The following FHIT variants were observed in gnomAD, a reference collection of about 807,000 sequenced individuals.
The protein encoded by FHIT is fragile histidine triad diadenosine triphosphatase, also known as bis(5'-adenosyl)-triphosphatase.
A neutral mutation model predicts 17.9 loss-of-function variants in FHIT; 19 were observed. The observed-to-expected ratio is 1.06, with a 90% CI of 0.74 to 1.56. FHIT has a LOEUF of 1.56. Ranked by LOEUF, FHIT falls within the 40% of genes most tolerant of loss-of-function variation. The probability of loss-of-function intolerance (pLI) is 0.00; values close to 1 mark genes in which losing one functional copy is unlikely to be tolerated. For missense variants in FHIT, 248 were observed against 189.2 expected, an observed-to-expected ratio of 1.31 and a Z score of -1.82; for synonymous variants, 81 against 69.7, an observed-to-expected ratio of 1.16 and a Z score of -0.81.
intron 3 of FHIT, among the ~76,000 whole-genome samples, chr3:60,879,376 C>G (rs1194211388): frequency 1.3e-5 from 2 of 152,194 alleles, no homozygotes; most frequent in African/African-American, 2.4e-5. Context: ...AGTCACCACA[C>G]TTTTCCTAAT....
intron 3 of FHIT, among the ~76,000 whole-genome samples, chr3:60,829,213 C>T (rs1553741820): frequency 6.6e-6 from 1 of 152,176 alleles, no homozygotes; most frequent in Non-Finnish European, 1.5e-5. Flanking sequence ...TCCTTACCTC[C>T]CAACACCTAC....
chr3:60,553,554 GAGA>G (rs2036642148), intron 4 of FHIT, among the ~76,000 whole-genome samples: 1 of 148,288 alleles, frequency 6.7e-6, no homozygotes, highest in Non-Finnish European at 1.5e-5. Context: ...GAGAGAGAGA[GAGA>G]GAGGCTCCTG....
At position 60,984,785 on chromosome 3, in the gene FHIT, GGTGTGTGTGT is replaced by G. The variant is rs58578875; in HGVS notation, c.-111+57252_-111+57261del. ...AATAAAGGGTATAGTTTCATGAAGGGGTGTGTGTGTGTGTGTGTGTGTGTGTGTGTGCATA... is the reference window on the plus strand; with the variant it reads ...AATAAAGGGTATAGTTTCATGAAGGGGTGTGTGTGTGTGTGTGTGTGCATA... On this transcript the variant is annotated intron_variant, in intron 3 of 9. Coordinates refer to ENST00000492590, the MANE Select transcript of FHIT (RefSeq NM_002012.4). Among the ~76,000 whole-genome samples the G allele has an allele frequency of 7.4e-3, 1,104 of 150,130 alleles. 14 individuals carry two copies. The highest frequency in any genetic ancestry group is 0.023 in the African/African-American group (951 of 40,904).
intron 1 of FHIT, among the ~76,000 whole-genome samples, chr3:61,250,716 A>C (rs1426320661): frequency 6.6e-6 from 1 of 152,026 alleles, no homozygotes; most frequent in Non-Finnish European, 1.5e-5. Context: ...TAAAAACAAC[A>C]ACCATAAAAT....
chr3:60,859,655 T>G (rs568767456), intron 3 of FHIT, among the ~76,000 whole-genome samples: 1 of 149,550 alleles, frequency 6.7e-6, no homozygotes, highest in Non-Finnish European at 1.5e-5. Context: ...GGAAAGAACC[T>G]GGATCCTACC....
intron 5 of FHIT, among the ~76,000 whole-genome samples, chr3:60,093,395 T>G (rs1410861105): frequency 6.6e-6 from 1 of 152,138 alleles, no homozygotes; most frequent in Non-Finnish European, 1.5e-5. Context: ...CTTCTAAGAA[T>G]CCTTGAGATT....
intron 5 of FHIT, among the ~76,000 whole-genome samples, chr3:60,338,035 AT>A (rs969824218): frequency 6.6e-6 from 1 of 151,930 alleles, no homozygotes; most frequent in Admixed American, 6.6e-5. Context: ...TTCTTTTCGA[AT>A]TTTTTTTCCC....
At chr3:59,801,485 T>C (rs1003074467) in intron 8 of FHIT, among the ~76,000 whole-genome samples, 1 of 152,192 alleles carries the variant, frequency 6.6e-6, no homozygotes, top group African/African-American at 2.4e-5. Context: ...TTTCCTTCTT[T>C]GTACATTTCT....
chr3:60,013,527 G>A (rs1700219825), intron 6 of FHIT, among the ~76,000 whole-genome samples: 1 of 152,112 alleles, frequency 6.6e-6, no homozygotes, highest in Non-Finnish European at 1.5e-5. Flanking sequence ...ACTGGTCAGT[G>A]GGCCACACCC....
chr3:59,986,490 T>G (rs1708907640), intron 7 of FHIT, among the ~76,000 whole-genome samples: 1 of 127,236 alleles, frequency 7.9e-6, no homozygotes, highest in Non-Finnish European at 1.6e-5. Flanking sequence ...TATGAGAAAG[T>G]AGTCCAAAAT....
intron 8 of FHIT, among the ~76,000 whole-genome samples, chr3:59,833,368 CATA>C (rs1559645235): frequency 6.6e-6 from 1 of 152,112 alleles, no homozygotes; most frequent in Non-Finnish European, 1.5e-5. Context: ...TTGAGATACA[CATA>C]ATGTCTTGTG....
At chr3:60,721,172 G>A (rs1266728732) in intron 4 of FHIT, among the ~76,000 whole-genome samples, 1 of 152,088 alleles carries the variant, frequency 6.6e-6, no homozygotes, top group Non-Finnish European at 1.5e-5. Context: ...CCAAGAAATA[G>A]GTGAGCCGGG....
chr3:60,006,235 G>T (rs1414016978), intron 7 of FHIT, among the ~76,000 whole-genome samples: 1 of 152,156 alleles, frequency 6.6e-6, no homozygotes, highest in Admixed American at 6.5e-5. Flanking sequence ...AATTTTCAAA[G>T]TGTCATTTTT....
In FHIT at chr3:60,114,001, CCAAAAAA is replaced by C. The variant is rs1704809945; in HGVS notation, c.104-99856_104-99850del. 6.1e-4 allele frequency among the ~76,000 whole-genome samples: 11 copies of C among 17,918 alleles called. 2 individuals carry two copies. The highest frequency in any genetic ancestry group is 4.6e-3 in the African/African-American group (10 of 2,162). The allele number at this position is 17,918 out of a possible 152,430, so 11.8% of individuals were successfully genotyped here. On this transcript the variant is annotated intron_variant, in intron 5 of 9. Coordinates refer to ENST00000492590, the MANE Select transcript of FHIT (RefSeq NM_002012.4). ...TGGGCAATAGAACAAGACCCCGTCTCCAAAAAAAAAAAAAAAAAAAAAAAAAAAAAAA... is the reference window on the plus strand; with the variant it reads ...TGGGCAATAGAACAAGACCCCGTCTCAAAAAAAAAAAAAAAAAAAAAAAAA...
intron 4 of FHIT, among the ~76,000 whole-genome samples, chr3:60,796,118 T>G (rs533129539): frequency 6.6e-6 from 1 of 152,114 alleles, no homozygotes; most frequent in Non-Finnish European, 1.5e-5. Context: ...ATCATGAGAA[T>G]AGCATGGGAA....
chr3:60,644,839 C>T (rs1237631179), intron 4 of FHIT, among the ~76,000 whole-genome samples: 1 of 152,174 alleles, frequency 6.6e-6, no homozygotes, highest in Non-Finnish European at 1.5e-5. Flanking sequence ...ACCCTGTGGC[C>T]CCTCCACCTT....
intron 5 of FHIT, among the ~76,000 whole-genome samples, chr3:60,425,788 A>G (rs1702640204): frequency 7.3e-6 from 1 of 137,188 alleles, no homozygotes; most frequent in Non-Finnish European, 1.6e-5. Flanking sequence ...TTTATAATCA[A>G]TAGAGATTAA....
chr3:60,970,710 A>C (rs1049318488), intron 3 of FHIT, among the ~76,000 whole-genome samples: 1 of 152,164 alleles, frequency 6.6e-6, no homozygotes, highest in Non-Finnish European at 1.5e-5. Flanking sequence ...TAAGGATTTC[A>C]CATTATTTTA....
At chr3:60,738,476 A>C (rs746420344) in intron 4 of FHIT, among the ~76,000 whole-genome samples, 1 of 152,200 alleles carries the variant, frequency 6.6e-6, no homozygotes, top group Non-Finnish European at 1.5e-5. Context: ...CATCAGCTCC[A>C]GGTACCAAGC....
Sources: allele counts gnomAD v4.1 joint callset (sites outside exome capture counted in the v4.1 genomes callset), GRCh38; gene constraint gnomAD v4.1.1; transcripts MANE v1.5; gene names NCBI Gene and HGNC (gene_info 2026-07-23, HGNC 2026-07-21).